DSCAML1: variants seen among roughly 807,000 people sequenced by gnomAD.
DSCAML1 encodes the protein cell adhesion molecule DSCAML1.
DSCAML1 carries 38 observed loss-of-function variants against 200.5 expected under a neutral mutation model. That is an observed-to-expected ratio of 0.19 (90% CI 0.15 to 0.25). The LOEUF (loss-of-function observed/expected upper bound fraction) is 0.25. Among genes scored for constraint, DSCAML1 ranks in the 10% least tolerant of loss-of-function variants. The pLI is 1.00. For missense variants in DSCAML1, 2,223 were observed against 2,858.8 expected (o/e 0.78, Z 5.07); for synonymous variants, 1,215 against 1,165.0 (o/e 1.04, Z -0.87).
chr11:117,441,602 A>G (rs2048050615), intron 21 of DSCAML1, among the ~76,000 whole-genome samples: 1 of 152,176 alleles, frequency 6.6e-6, no homozygotes, highest in Non-Finnish European at 1.5e-5. Context: ...CCAGATTTAA[A>G]GGAACCAAGT....
At chr11:117,588,496 C>A (rs1161497024) in intron 3 of DSCAML1, among the ~76,000 whole-genome samples, 1 of 152,206 alleles carries the variant, frequency 6.6e-6, no homozygotes, top group Non-Finnish European at 1.5e-5. Context: ...CCCCTGCAGT[C>A]CCCTGAGCCG....
At chr11:117,656,399 C>T (rs1357638062) in intron 3 of DSCAML1, among the ~76,000 whole-genome samples, 1 of 152,228 alleles carries the variant, frequency 6.6e-6, no homozygotes, top group Non-Finnish European at 1.5e-5. Flanking sequence ...ATAATACCTA[C>T]ACCACGGGAA....
intron 8 of DSCAML1, among the ~76,000 whole-genome samples, chr11:117,513,636 G>T (rs2049694618): frequency 6.6e-6 from 1 of 151,842 alleles, no homozygotes; most frequent in Non-Finnish European, 1.5e-5. Context: ...AGCTACTCAG[G>T]AGGCTGAGAC....
At chr11:117,593,552 G>A (rs1028869088) in intron 3 of DSCAML1, among the ~76,000 whole-genome samples, 3 of 152,224 alleles carry the variant, frequency 2.0e-5, no homozygotes, top group Non-Finnish European at 2.9e-5. Context: ...CCCAGAGGCC[G>A]GGACAGCACT....
intron 15 of DSCAML1, among the ~76,000 whole-genome samples, chr11:117,470,375 A>T (rs964918930): frequency 2.6e-5 from 4 of 152,188 alleles, no homozygotes; most frequent in Non-Finnish European, 5.9e-5. Flanking sequence ...GGAGATCGAG[A>T]CCATCCTGGC....
intron 3 of DSCAML1, among the ~76,000 whole-genome samples, chr11:117,703,758 G>T (rs2053707481): frequency 6.6e-6 from 1 of 152,178 alleles, no homozygotes. Flanking sequence ...CAGGGACTTT[G>T]ACCAAAATGT....
intron 3 of DSCAML1, among the ~76,000 whole-genome samples, chr11:117,586,950 G>GC (rs1419462997): frequency 1.3e-5 from 2 of 152,082 alleles, no homozygotes; most frequent in African/African-American, 4.8e-5. Flanking sequence ...AGAGGGTGAG[G>GC]CCCCCCAGGA....
At chr11:117,453,655 T>C (rs1360452917) in intron 19 of DSCAML1, among the ~76,000 whole-genome samples, 1 of 152,126 alleles carries the variant, frequency 6.6e-6, no homozygotes, top group Non-Finnish European at 1.5e-5. Context: ...ATCCGTCTTT[T>C]CTCCTCTGGT....
intron 3 of DSCAML1, among the ~76,000 whole-genome samples, chr11:117,748,015 C>A (rs945359941): frequency 9.9e-5 from 15 of 152,166 alleles, no homozygotes; most frequent in African/African-American, 3.1e-4. Flanking sequence ...CCATAAAATG[C>A]CAAGAAGGGC....
chr11:117,572,211 G>A (rs2050859184), intron 3 of DSCAML1, among the ~76,000 whole-genome samples: 1 of 152,184 alleles, frequency 6.6e-6, no homozygotes, highest in African/African-American at 2.4e-5. Context: ...CTTGGGATCT[G>A]GATCGGGACC....
intron 3 of DSCAML1, among the ~76,000 whole-genome samples, chr11:117,577,322 C>T (rs982573193): frequency 6.6e-6 from 1 of 152,172 alleles, no homozygotes; most frequent in Non-Finnish European, 1.5e-5. Context: ...TTTTAAAAAG[C>T]TCTACAGTGA....
chr11:117,688,668 T>C (rs1007111788), intron 3 of DSCAML1, among the ~76,000 whole-genome samples: 1 of 152,144 alleles, frequency 6.6e-6, no homozygotes, highest in Non-Finnish European at 1.5e-5. Flanking sequence ...CTGATGGGAA[T>C]GATGCATGCC....
At position 117,467,200 on chromosome 11, in the gene DSCAML1, CCCT is replaced by C. The variant is rs1385898933; in HGVS notation, c.3025-2021_3025-2019del. Among the ~76,000 whole-genome samples the C allele has an allele frequency of 2.2e-4, 29 of 134,038 alleles. 1 individual carries two copies. The highest frequency in any genetic ancestry group is 7.9e-4 in the East Asian group (3 of 3,804). 87.9% of individuals were successfully genotyped at this position (134,038 alleles called of 152,430 possible). A position where few individuals can be genotyped will look rare whatever the true frequency, so the allele number is the denominator to read the frequency against. On this transcript the variant is annotated intron_variant, in intron 16 of 32. Coordinates refer to ENST00000651296, the MANE Select transcript of DSCAML1 (RefSeq NM_020693.4). ...GCATGCGCGTGCACACACACCTCCCCCCTCCCCCCGCCGCCAATATATCCATTC... is the reference window on the plus strand; with the variant it reads ...GCATGCGCGTGCACACACACCTCCCCCCCCCCGCCGCCAATATATCCATTC...
intron 3 of DSCAML1, among the ~76,000 whole-genome samples, chr11:117,657,247 C>A (rs1565855909): frequency 6.6e-6 from 1 of 152,108 alleles, no homozygotes; most frequent in Non-Finnish European, 1.5e-5. Context: ...GACTTGAGGC[C>A]AAAACCATAA....
At chr11:117,528,517 C>T (rs903302679) in intron 4 of DSCAML1, among the ~76,000 whole-genome samples, 1 of 152,150 alleles carries the variant, frequency 6.6e-6, no homozygotes, top group East Asian at 1.9e-4. Context: ...GCTGGGGGTG[C>T]ACTGGAGCTA....
chr11:117,446,453 G>A (rs1214939537), intron 20 of DSCAML1, among the ~76,000 whole-genome samples: 3 of 151,960 alleles, frequency 2.0e-5, no homozygotes, highest in African/African-American at 7.3e-5. Flanking sequence ...GACAGAAAAT[G>A]GCTATTATCC....
intron 3 of DSCAML1, among the ~76,000 whole-genome samples, chr11:117,735,737 C>T (rs558949291): frequency 6.6e-6 from 1 of 152,148 alleles, no homozygotes; most frequent in Non-Finnish European, 1.5e-5. Context: ...ATGCTGGGCC[C>T]GGAGCTGCGT....
At chr11:117,436,975 C>G in intron 26 of DSCAML1, 147 bp downstream of exon 26, 1 of 1,189,172 alleles carries the variant, frequency 8.4e-7, no homozygotes. Context: ...TTGTCAGCCC[C>G]TTCACCTGCA....
At chr11:117,488,591 AACAG>A (rs1378525294) in intron 11 of DSCAML1, among the ~76,000 whole-genome samples, 2 of 152,072 alleles carry the variant, frequency 1.3e-5, no homozygotes, top group African/African-American at 2.4e-5. Context: ...AACACACCTC[AACAG>A]ACAGTCACAA....
Sources: allele counts gnomAD v4.1 joint callset (sites outside exome capture counted in the v4.1 genomes callset), GRCh38; gene constraint gnomAD v4.1.1; transcripts MANE v1.5; gene names NCBI Gene and HGNC (gene_info 2026-07-23, HGNC 2026-07-21).